Variants in SLC60A1 observed in about 807,000 individuals in gnomAD.
SLC60A1 encodes solute carrier family 60 member 1, also known as major facilitator superfamily domain containing 4.
the SLC60A1 span, chr1:205,579,791 G>T: frequency 6.2e-7 from 1 of 1,614,098 alleles, no homozygotes; most frequent in East Asian, 2.2e-5. Flanking sequence ...CTCCTCTCTG[G>T]CCATCTCCCT....
At chr1:205,583,906 A>C in the SLC60A1 span, 2 of 1,587,394 alleles carry the variant, frequency 1.3e-6, no homozygotes, top group Non-Finnish European at 8.5e-7. Flanking sequence ...AGGCGTGGGA[A>C]GGGGGAGCTT....
chr1:205,577,948 G>A, the SLC60A1 span, among the ~76,000 whole-genome samples: 1 of 152,228 alleles, frequency 6.6e-6, no homozygotes, highest in African/African-American at 2.4e-5. This position sits in a 1 kb window ranked among gnomAD's most constrained non-coding sequence, Gnocchi z 5.2. Flanking sequence ...GCAGTTGTCA[G>A]CAGACCGTAG....
the SLC60A1 span, chr1:205,583,951 C>G: frequency 1.9e-5 from 31 of 1,612,268 alleles, no homozygotes; most frequent in African/African-American, 2.9e-4. Flanking sequence ...TGCCTGCTCC[C>G]CAGCTTCCAG....
the SLC60A1 span, among the ~76,000 whole-genome samples, chr1:205,582,724 C>T: frequency 6.6e-6 from 1 of 152,232 alleles, no homozygotes; most frequent in Non-Finnish European, 1.5e-5. Flanking sequence ...GCTGTTCTCT[C>T]CCCACTCAGG....
At chr1:205,580,834 G>A in the SLC60A1 span, 1 of 1,614,134 alleles carries the variant, frequency 6.2e-7, no homozygotes. This position sits in a 1 kb window ranked among gnomAD's most constrained non-coding sequence, Gnocchi z 5.0. Context: ...CCAAGCCTTG[G>A]TCCAACCAGA....
the SLC60A1 span, among the ~76,000 whole-genome samples, chr1:205,570,791 C>T: frequency 6.6e-6 from 1 of 152,130 alleles, no homozygotes; most frequent in Non-Finnish European, 1.5e-5. Context: ...GTGGCTAGCA[C>T]AGGTTTTTTG....
chr1:205,586,132 C>T, the SLC60A1 span: 6 of 1,613,786 alleles, frequency 3.7e-6, no homozygotes, highest in South Asian at 2.2e-5. Flanking sequence ...TCTGGGGCTT[C>T]ATCACACTGG....
chr1:205,586,441 T>C, the SLC60A1 span, among the ~76,000 whole-genome samples: 1 of 152,164 alleles, frequency 6.6e-6, no homozygotes, highest in African/African-American at 2.4e-5. Context: ...GCTGATCTTA[T>C]ACCCTTAAAA....
At chr1:205,595,544 C>T in the SLC60A1 span, among the ~76,000 whole-genome samples, 1 of 151,718 alleles carries the variant, frequency 6.6e-6, no homozygotes, top group African/African-American at 2.4e-5. Flanking sequence ...ACAACATGAC[C>T]CTACCAAGGG....
At chr1:205,583,690 GA>G in the SLC60A1 span, among the ~76,000 whole-genome samples, 1 of 152,336 alleles carries the variant, frequency 6.6e-6, no homozygotes, top group East Asian at 1.9e-4. Context: ...CAGAGAGTTT[GA>G]GTCTAAGCTT....
the SLC60A1 span, among the ~76,000 whole-genome samples, chr1:205,588,016 C>T: frequency 1.3e-5 from 2 of 152,086 alleles, no homozygotes; most frequent in Admixed American, 1.3e-4. Flanking sequence ...TGGGCCCAAC[C>T]CAGACTGAGT....
the SLC60A1 span, chr1:205,597,603 C>A: frequency 1.7e-6 from 1 of 577,570 alleles, no homozygotes; most frequent in Non-Finnish European, 3.1e-6. Context: ...GTGATATTGC[C>A]CAGACTGGTC....
the SLC60A1 span, among the ~76,000 whole-genome samples, chr1:205,583,601 A>C: frequency 6.6e-6 from 1 of 152,266 alleles, no homozygotes; most frequent in South Asian, 2.1e-4. Context: ...TTTGTAAAGC[A>C]TCACGCAACC....
the SLC60A1 span, among the ~76,000 whole-genome samples, chr1:205,578,790 TG>T: frequency 3.3e-5 from 5 of 151,764 alleles, no homozygotes; most frequent in African/African-American, 1.2e-4. Context: ...GCTGATGGGG[TG>T]GGGGGCTCTC....
At chr1:205,582,565 C>T in the SLC60A1 span, among the ~76,000 whole-genome samples, 2 of 152,196 alleles carry the variant, frequency 1.3e-5, no homozygotes, top group South Asian at 4.1e-4. Flanking sequence ...CTGGAAAGCC[C>T]CACCTGAGCG....
At chr1:205,600,095 T>C in the SLC60A1 span, 3 of 280,274 alleles carry the variant, frequency 1.1e-5, no homozygotes, top group Non-Finnish European at 2.0e-5. Context: ...GCAGTACTGG[T>C]TGCACACACA....
the SLC60A1 span, among the ~76,000 whole-genome samples, chr1:205,579,101 G>A: frequency 1.7e-3 from 260 of 152,264 alleles, no homozygotes; most frequent in Non-Finnish European, 2.2e-3. Flanking sequence ...CAGTGTGTAT[G>A]GCCACAGCCC....
the SLC60A1 span, chr1:205,602,023 C>T: frequency 2.0e-4 from 30 of 152,380 alleles, no homozygotes; most frequent in African/African-American, 6.5e-4. Context: ...GGAGTTACAG[C>T]TCCTGTCCAG....
the SLC60A1 span, among the ~76,000 whole-genome samples, chr1:205,581,898 G>T: frequency 3.3e-5 from 5 of 152,322 alleles, no homozygotes; most frequent in East Asian, 7.7e-4. This position sits in a 1 kb window ranked among gnomAD's most constrained non-coding sequence, Gnocchi z 4.2. Context: ...AAGGGTGGGG[G>T]TGTCATGCCA....
Sources: gnomAD v4.1 joint callset for allele counts (sites outside exome capture counted in the v4.1 genomes callset) on GRCh38, gnomAD v4.1.1 for gene constraint, Gnocchi (gnomAD v3.1) non-coding constraint, MANE v1.5 for transcripts, NCBI Gene and HGNC (gene_info 2026-07-23, HGNC 2026-07-21) for gene names.